The following AGBL1 variants were observed in gnomAD, a reference collection of about 807,000 sequenced individuals.
The protein encoded by AGBL1 is cytosolic carboxypeptidase 4.
AGBL1 carries 130 observed loss-of-function variants against 118.9 expected under a neutral mutation model. The observed-to-expected ratio is 1.09, with a 90% CI of 0.95 to 1.26. The LOEUF is 1.26. Ranked by LOEUF, AGBL1 falls within the 50% of genes most tolerant of loss-of-function variation. The pLI, the probability that AGBL1 is intolerant of heterozygous loss-of-function variation, is 0.00. For missense variants in AGBL1, 1,584 were observed against 1,298.1 expected, an observed-to-expected ratio of 1.22 and a Z score of -3.38; for synonymous variants, 555 against 478.9, an observed-to-expected ratio of 1.16 and a Z score of -2.08.
Position 86,987,880 on chromosome 15 carries a change from T to C in AGBL1, c.3222-107T>C, listed in dbSNP as rs1266368124. 6 of 1,353,014 alleles carry C rather than the reference T, an allele frequency of 4.4e-6. No homozygotes were observed. In the African/African-American group the frequency reaches 8.7e-5, roughly 20 times the overall value. 83.8% of individuals were successfully genotyped at this position (1,353,014 alleles called of 1,614,324 possible). ...CTTACTATATATATCCTATTAAAGT[T>C]TGTTTTTCCCACTCAATAATATGTT... is the stretch of plus-strand genomic sequence containing the variant. On this transcript the variant is annotated intron_variant, in intron 23 of 24. Coordinates refer to the AGBL1 transcript ENST00000441037.
intron 17 of AGBL1, among the ~76,000 whole-genome samples, chr15:86,308,686 C>A (rs2079876692): frequency 6.6e-6 from 1 of 152,176 alleles, no homozygotes; most frequent in African/African-American, 2.4e-5. Flanking sequence ...ACTGTCCTTT[C>A]CCCATTGTGT....
Position 86,959,191 on chromosome 15 carries a change from CATA to C in AGBL1, c.3222-28790_3222-28788del, listed in dbSNP as rs920952619. On this transcript the variant is annotated intron_variant, in intron 23 of 24. Transcript: ENST00000441037. ...TATTTATTAATCTTTGTTCATCAAA[CATA>C]ATAATCTTATTGCTCTCTGTTTTTA... Among the ~76,000 whole-genome samples the C allele has an allele frequency of 2.6e-5, 4 of 152,150 alleles. No individual in the cohort carries two copies. In the East Asian group the frequency reaches 7.7e-4, roughly 29 times the overall value.
upstream of AGBL1, chr15:86,079,778 G>T (rs1895144538): frequency 6.1e-5 from 24 of 390,478 alleles, no homozygotes; most frequent in East Asian, 8.7e-4. Context: ...TCCCCACAGT[G>T]GGAGTCGGTG....
chr15:86,655,775 G>A (rs931555276), intron 21 of AGBL1, among the ~76,000 whole-genome samples: 13 of 152,140 alleles, frequency 8.5e-5, no homozygotes, highest in Non-Finnish European at 1.0e-4. Flanking sequence ...TGTACAATTT[G>A]GATACATTAG....
intron 24 of AGBL1, among the ~76,000 whole-genome samples, chr15:87,005,687 A>G (rs2081491917): frequency 1.3e-5 from 2 of 151,972 alleles, no homozygotes; most frequent in African/African-American, 2.4e-5. Flanking sequence ...TCTTTTCTCT[A>G]CTTGTCAAAG....
intron 3 of AGBL1, among the ~76,000 whole-genome samples, chr15:86,151,077 C>A (rs537053032): frequency 2.3e-4 from 35 of 151,124 alleles, no homozygotes; most frequent in African/African-American, 8.5e-4. Context: ...ACCGCATATT[C>A]TTACTCATAG....
intron 18 of AGBL1, among the ~76,000 whole-genome samples, chr15:86,506,014 G>C (rs1414046555): frequency 6.6e-6 from 1 of 151,954 alleles, no homozygotes; most frequent in African/African-American, 2.4e-5. Flanking sequence ...GTCTTTGCTT[G>C]GCTAGCTTAG....
chr15:86,925,137 A>AG lies in AGBL1; in HGVS notation c.3222-62849dup, dbSNP rs1567242782. Among the ~76,000 whole-genome samples, 13 of 25,312 alleles carry AG rather than the reference A, an allele frequency of 5.1e-4. No homozygotes were observed. The South Asian group carries it at 0.01, about 20-fold the overall frequency. The allele number at this position is 25,312 out of a possible 152,430, so 16.6% of individuals were successfully genotyped here. On this transcript the variant is annotated intron_variant, in intron 23 of 24. Coordinates refer to the AGBL1 transcript ENST00000441037. ...AAGAAGAAGAAGAAGAGGAAGAGGA[A>AG]GAGGAAGAGGAGGAGGAGGAGGAGG...
intron 22 of AGBL1, among the ~76,000 whole-genome samples, chr15:86,782,597 A>C (rs969203889): frequency 7.2e-5 from 11 of 152,224 alleles, no homozygotes; most frequent in Non-Finnish European, 1.3e-4. Flanking sequence ...GAGTGAAACT[A>C]ATCTTGGATA....
At chr15:86,312,744 T>G (rs1229478434) in intron 17 of AGBL1, among the ~76,000 whole-genome samples, 1 of 152,136 alleles carries the variant, frequency 6.6e-6, no homozygotes, top group East Asian at 1.9e-4. Context: ...GCACATCCCG[T>G]TAGGAAGTGG....
At chr15:86,408,279 G>A (rs1257849781) in intron 18 of AGBL1, among the ~76,000 whole-genome samples, 1 of 152,158 alleles carries the variant, frequency 6.6e-6, no homozygotes, top group Non-Finnish European at 1.5e-5. Flanking sequence ...CAAGATGGGG[G>A]AGTAAAATTC....
At chr15:86,537,539 A>T (rs1295445057) in intron 19 of AGBL1, among the ~76,000 whole-genome samples, 1 of 152,236 alleles carries the variant, frequency 6.6e-6, no homozygotes, top group African/African-American at 2.4e-5. Context: ...CATTAGGCTT[A>T]CCACTCATGG....
chr15:86,818,390 A>G (rs760972992), intron 22 of AGBL1, among the ~76,000 whole-genome samples: 3 of 152,174 alleles, frequency 2.0e-5, no homozygotes, highest in Non-Finnish European at 4.4e-5. Context: ...ATAGGAGTGC[A>G]AACCCTATTG....
intron 24 of AGBL1, among the ~76,000 whole-genome samples, chr15:87,013,890 A>G (rs2081585324): frequency 6.6e-6 from 1 of 152,188 alleles, no homozygotes; most frequent in African/African-American, 2.4e-5. Context: ...TTGAACATAG[A>G]CACACTTGAT....
At position 86,442,137 on chromosome 15, in the gene AGBL1, A is replaced by C. The variant is rs374073523; in HGVS notation, c.2555+44591A>C. On this transcript the variant is annotated intron_variant, in intron 18 of 22. Transcript: ENST00000614907. Reference sequence around the variant, plus strand: ...AGGAGCCGGGAGGCTGTGCCTTGTCACTGGGTACCAGCTATGTGGTGTGTG... The same window carrying C: ...AGGAGCCGGGAGGCTGTGCCTTGTCCCTGGGTACCAGCTATGTGGTGTGTG... Among the ~76,000 whole-genome samples, 256 of 152,334 alleles carry C rather than the reference A, an allele frequency of 1.7e-3. 2 individuals are homozygous for C. Among genetic ancestry groups the C allele is most frequent in the African/African-American group, 6.0e-3 (250 of 41,582 alleles).
intron 6 of AGBL1, among the ~76,000 whole-genome samples, chr15:86,234,060 C>A (rs1248054435): frequency 6.6e-6 from 1 of 152,132 alleles, no homozygotes; most frequent in Non-Finnish European, 1.5e-5. Flanking sequence ...TACACTCATG[C>A]AGGATGCTGT....
intron 21 of AGBL1, among the ~76,000 whole-genome samples, chr15:86,617,596 A>T (rs1472934017): frequency 6.6e-6 from 1 of 152,220 alleles, no homozygotes; most frequent in Non-Finnish European, 1.5e-5. Context: ...TGGTATTGTC[A>T]AAACTGTGAT....
chr15:86,169,749 C>T (rs921410474), intron 5 of AGBL1, among the ~76,000 whole-genome samples: 1 of 152,136 alleles, frequency 6.6e-6, no homozygotes, highest in African/African-American at 2.4e-5. Flanking sequence ...TATATTTAAT[C>T]CACAGTTGGT....
intron 19 of AGBL1, among the ~76,000 whole-genome samples, chr15:86,527,220 G>A (rs1373308791): frequency 6.6e-6 from 1 of 152,126 alleles, no homozygotes; most frequent in Non-Finnish European, 1.5e-5. Flanking sequence ...GACTTAAAAG[G>A]AAGAAATCCC....
Sources: allele counts gnomAD v4.1 joint callset (sites outside exome capture counted in the v4.1 genomes callset), GRCh38; gene constraint gnomAD v4.1.1; transcripts MANE v1.5; gene names NCBI Gene and HGNC (gene_info 2026-07-23, HGNC 2026-07-21).